Variants in SMIM36 observed in about 807,000 individuals in gnomAD.
SMIM36 encodes small integral membrane protein 36.
chr17:55,523,854 G>T, the SMIM36 span, among the ~76,000 whole-genome samples: 1 of 152,084 alleles, frequency 6.6e-6, no homozygotes, highest in South Asian at 2.1e-4. Flanking sequence ...CAGAAAAATT[G>T]TTTCAAGTTT....
At chr17:55,529,023 G>C in the SMIM36 span, among the ~76,000 whole-genome samples, 2 of 152,308 alleles carry the variant, frequency 1.3e-5, no homozygotes, top group Admixed American at 1.3e-4. Context: ...CATTGGATAA[G>C]TCACTTATAT....
chr17:55,456,830 C>T (rs1431231042), intron 4 of SMIM36, among the ~76,000 whole-genome samples: 1 of 152,178 alleles, frequency 6.6e-6, no homozygotes, highest in South Asian at 2.1e-4. Flanking sequence ...ACTTTCAGGT[C>T]ACCCTTGGTG....
intron 3 of SMIM36, among the ~76,000 whole-genome samples, chr17:55,467,762 C>T (rs994172077): frequency 6.6e-6 from 1 of 152,174 alleles, no homozygotes; most frequent in Non-Finnish European, 1.5e-5. Flanking sequence ...CCTGGCTTTC[C>T]TGCTGGGCCA....
At chr17:55,496,009 C>T (rs1374339034) in intron 1 of SMIM36, among the ~76,000 whole-genome samples, 2 of 152,116 alleles carry the variant, frequency 1.3e-5, no homozygotes, top group African/African-American at 4.8e-5. Context: ...ATGACTGCTG[C>T]GTATACATTT....
intron 4 of SMIM36, among the ~76,000 whole-genome samples, chr17:55,459,911 T>A (rs985785512): frequency 6.6e-6 from 1 of 151,630 alleles, no homozygotes; most frequent in African/African-American, 2.4e-5. Context: ...GCAGGGGGAT[T>A]GTGCCTAGGG....
At chr17:55,458,260 C>A (rs1909065666) in intron 4 of SMIM36, 1 of 152,116 alleles carries the variant, frequency 6.6e-6, no homozygotes, top group South Asian at 2.1e-4. Flanking sequence ...GCAAACAGGC[C>A]CCCAGTCACA....
At chr17:55,465,614 G>A (rs1334822177) in intron 4 of SMIM36, among the ~76,000 whole-genome samples, 2 of 152,088 alleles carry the variant, frequency 1.3e-5, no homozygotes. Context: ...CTCAACACAT[G>A]GCATAAATTT....
At chr17:55,529,768 G>A in the SMIM36 span, among the ~76,000 whole-genome samples, 77 of 151,946 alleles carry the variant, frequency 5.1e-4, no homozygotes, top group Middle Eastern at 0.017. Flanking sequence ...TCCAGCCTGG[G>A]TGATGGACCC....
At chr17:55,486,735 C>A (rs1446164843) in intron 1 of SMIM36, among the ~76,000 whole-genome samples, 1 of 152,198 alleles carries the variant, frequency 6.6e-6, no homozygotes, top group Admixed American at 6.5e-5. Context: ...CTAAGAATTT[C>A]ATCTCCAAGT....
intron 1 of SMIM36, among the ~76,000 whole-genome samples, chr17:55,507,218 C>A (rs1910089009): frequency 3.1e-5 from 1 of 32,054 alleles, no homozygotes; most frequent in Non-Finnish European, 4.4e-5. Flanking sequence ...CCCAGCCATC[C>A]CATTACTGGG....
intron 1 of SMIM36, among the ~76,000 whole-genome samples, chr17:55,509,815 C>T (rs1323166849): frequency 3.3e-5 from 5 of 151,976 alleles, no homozygotes; most frequent in Admixed American, 3.3e-4. Context: ...GACTAATGAA[C>T]AGGGGAAAAA....
At chr17:55,462,181 A>C (rs559295117) in intron 4 of SMIM36, among the ~76,000 whole-genome samples, 1 of 152,236 alleles carries the variant, frequency 6.6e-6, no homozygotes, top group East Asian at 1.9e-4. Context: ...CTTAATACTT[A>C]AAAGTATGAA....
intron 1 of SMIM36, among the ~76,000 whole-genome samples, chr17:55,489,304 G>C (rs1909661744): frequency 6.6e-6 from 1 of 152,050 alleles, no homozygotes; most frequent in Admixed American, 6.6e-5. Flanking sequence ...CTTGAACCTG[G>C]GAGGTGGAGG....
At chr17:55,485,922 CT>C (rs1909598301) in intron 1 of SMIM36, among the ~76,000 whole-genome samples, 1 of 151,946 alleles carries the variant, frequency 6.6e-6, no homozygotes, top group South Asian at 2.1e-4. Flanking sequence ...CATTCTACTA[CT>C]TTATGCTTAA....
At chr17:55,458,182 A>C (rs1191230578) in intron 4 of SMIM36, 1 of 152,200 alleles carries the variant, frequency 6.6e-6, no homozygotes, top group Non-Finnish European at 1.5e-5. Context: ...AGTAAAACCA[A>C]GAATAATGAC....
chr17:55,517,914 G>T, the SMIM36 span, among the ~76,000 whole-genome samples: 1 of 152,198 alleles, frequency 6.6e-6, no homozygotes, highest in African/African-American at 2.4e-5. Flanking sequence ...ACAGAGCCTA[G>T]AGTATCCCAA....
exon 1 of SMIM36, chr17:55,511,127 G>A (rs1910173825): frequency 2.5e-6 from 1 of 398,602 alleles, no homozygotes; most frequent in Non-Finnish European, 4.4e-6. Flanking sequence ...GGCCAGTGGG[G>A]CCCAGCGACA....
chr17:55,457,567 T>C (rs1406604066), intron 4 of SMIM36, among the ~76,000 whole-genome samples: 2 of 151,954 alleles, frequency 1.3e-5, no homozygotes, highest in Non-Finnish European at 2.9e-5. Context: ...GCTCTCGTTG[T>C]CCAGACTGGA....
chr17:55,476,691 CTGACTAGG>C (rs970247137), intron 3 of SMIM36, among the ~76,000 whole-genome samples: 37 of 152,280 alleles, frequency 2.4e-4, no homozygotes, highest in African/African-American at 8.7e-4. Context: ...CCTCAGCCTC[CTGACTAGG>C]TGACTGCAGG....
Sources: gnomAD v4.1 joint callset for allele counts (sites outside exome capture counted in the v4.1 genomes callset) on GRCh38, gnomAD v4.1.1 for gene constraint, MANE v1.5 for transcripts, NCBI Gene and HGNC (gene_info 2026-07-23, HGNC 2026-07-21) for gene names.